The following CSRNP3 variants were observed in gnomAD, a reference collection of about 807,000 sequenced individuals.
CSRNP3 encodes the protein cysteine/serine-rich nuclear protein 3.
CSRNP3 carries 12 observed loss-of-function variants against 48.0 expected under a neutral mutation model. The observed-to-expected ratio is 0.25, with a 90% CI of 0.16 to 0.41. The LOEUF (loss-of-function observed/expected upper bound fraction) is 0.41, where lower values mean the gene tolerates loss of function less well. CSRNP3 is among the 10% of genes least tolerant of loss of function. The pLI, the probability that CSRNP3 is intolerant of heterozygous loss-of-function variation, is 1.00. For synonymous variants in CSRNP3, 263 were observed against 269.7 expected (o/e 0.98, Z 0.24); for missense variants, 580 against 724.4 (o/e 0.80, Z 2.29).
intron 1 of CSRNP3, among the ~76,000 whole-genome samples, chr2:165,486,310 G>A (rs866146086): frequency 1.3e-5 from 2 of 151,246 alleles, no homozygotes; most frequent in Admixed American, 1.3e-4. Context: ...ACAGAATCTC[G>A]CTGATTGCTA....
intron 3 of CSRNP3, among the ~76,000 whole-genome samples, chr2:165,589,006 G>A (rs747834737): frequency 8.5e-5 from 13 of 152,108 alleles, no homozygotes; most frequent in Non-Finnish European, 1.5e-4. Flanking sequence ...AATTTGTAAT[G>A]TTTGGCACAT....
intron 3 of CSRNP3, among the ~76,000 whole-genome samples, chr2:165,548,814 G>A (rs546741218): frequency 1.6e-4 from 24 of 151,932 alleles, no homozygotes; most frequent in Admixed American, 4.6e-4. Flanking sequence ...TTGTGGACTC[G>A]ATAGTCTTTA....
At chr2:165,476,482 T>C (rs1683964024) in intron 1 of CSRNP3, among the ~76,000 whole-genome samples, 1 of 152,228 alleles carries the variant, frequency 6.6e-6, no homozygotes, top group Non-Finnish European at 1.5e-5. Flanking sequence ...TGCTTACCAA[T>C]GTACTGTAAA....
intron 2 of CSRNP3, among the ~76,000 whole-genome samples, chr2:165,504,475 GC>G (rs1684398248): frequency 6.6e-6 from 1 of 152,112 alleles, no homozygotes; most frequent in African/African-American, 2.4e-5. Flanking sequence ...AAACTCCAGT[GC>G]CCGCACTGTT....
intron 1 of CSRNP3, among the ~76,000 whole-genome samples, chr2:165,486,225 C>T (rs1017202517): frequency 2.6e-5 from 4 of 152,190 alleles, no homozygotes; most frequent in East Asian, 1.9e-4. Context: ...CCGATTATTG[C>T]GCTTTTCAGA....
chr2:165,516,859 G>A (rs529592856), intron 2 of CSRNP3, among the ~76,000 whole-genome samples: 403 of 152,152 alleles, frequency 2.6e-3, no homozygotes, highest in Non-Finnish European at 3.2e-3. Flanking sequence ...AATCTTGGCG[G>A]CACAATTTGC....
Position 165,686,753 on chromosome 2 carries a change from C to T in CSRNP3, c.*7000C>T, listed in dbSNP as rs1687637241. 1 of 152,000 alleles carries T rather than the reference C, an allele frequency of 6.6e-6. No individual in the cohort carries two copies. Among genetic ancestry groups the T allele is most frequent in the Non-Finnish European group, 1.5e-5 (1 of 67,978 alleles). 9.4% of individuals were successfully genotyped at this position (152,000 alleles called of 1,614,324 possible). A position where few individuals can be genotyped will look rare whatever the true frequency, so the allele number is the denominator to read the frequency against. On this transcript the variant is annotated 3_prime_UTR_variant, in exon 7 of 7. Transcript: ENST00000651982. Reference sequence around the variant, plus strand: ...AATAAAGCCCACTGCCATGGGTTACCATCTGAACCCTGATTCATTAGGCAC... The same window carrying T: ...AATAAAGCCCACTGCCATGGGTTACTATCTGAACCCTGATTCATTAGGCAC...
At chr2:165,556,705 G>A (rs762282402) in intron 3 of CSRNP3, among the ~76,000 whole-genome samples, 12 of 152,132 alleles carry the variant, frequency 7.9e-5, no homozygotes, top group Admixed American at 2.6e-4. Flanking sequence ...TTAAAAGATC[G>A]GTGGGAGAAG....
intron 2 of CSRNP3, among the ~76,000 whole-genome samples, chr2:165,510,735 A>G (rs1280601535): frequency 6.6e-6 from 1 of 152,072 alleles, no homozygotes; most frequent in Non-Finnish European, 1.5e-5. Flanking sequence ...TATTTTTTGG[A>G]CATACTATGT....
At chr2:165,580,395 A>G (rs773772486) in intron 3 of CSRNP3, among the ~76,000 whole-genome samples, 2 of 152,206 alleles carry the variant, frequency 1.3e-5, no homozygotes, top group East Asian at 1.9e-4. Flanking sequence ...TTCAGGCTTA[A>G]CAACTATTGT....
At chr2:165,619,488 C>A (rs1169692704) in intron 4 of CSRNP3, among the ~76,000 whole-genome samples, 1 of 152,084 alleles carries the variant, frequency 6.6e-6, no homozygotes, top group African/African-American at 2.4e-5. Flanking sequence ...TTTTTTCATG[C>A]CCTATCGTAC....
In CSRNP3 at chr2:165,688,822, A is replaced by G. The variant is rs1687672038; in HGVS notation, c.*9069A>G. 1 of 152,106 alleles carries G rather than the reference A, an allele frequency of 6.6e-6. No individual in the cohort carries two copies. The highest frequency in any genetic ancestry group is 2.4e-5 in the African/African-American group (1 of 41,438). The allele number at this position is 152,106 out of a possible 1,614,324, so 9.4% of individuals were successfully genotyped here. On this transcript the variant is annotated 3_prime_UTR_variant, in exon 7 of 7. Transcript: ENST00000651982. The stretch of plus-strand genomic sequence containing the variant: ...TGGCAAAAAAAAAAGTAACTTTAAA[A>G]ACTCAGAAAAGCCACTGAACTGTAT...
At chr2:165,624,524 G>A (rs1468627700) in intron 4 of CSRNP3, among the ~76,000 whole-genome samples, 2 of 152,038 alleles carry the variant, frequency 1.3e-5, no homozygotes, top group Non-Finnish European at 2.9e-5. Context: ...AGGTACCCTG[G>A]TACCTACACA....
intron 3 of CSRNP3, among the ~76,000 whole-genome samples, chr2:165,521,320 T>C (rs1220071502): frequency 2.6e-5 from 4 of 152,196 alleles, no homozygotes; most frequent in Non-Finnish European, 5.9e-5. Context: ...TCTGGAAACG[T>C]CAATGGAAAG....
At chr2:165,473,329 C>T (rs1683917708) in intron 1 of CSRNP3, among the ~76,000 whole-genome samples, 1 of 151,912 alleles carries the variant, frequency 6.6e-6, no homozygotes, top group Non-Finnish European at 1.5e-5. Flanking sequence ...AAGTAGACAA[C>T]TTTACATCTG....
intron 3 of CSRNP3, among the ~76,000 whole-genome samples, chr2:165,547,428 T>G (rs1429416055): frequency 6.6e-6 from 1 of 152,146 alleles, no homozygotes; most frequent in East Asian, 1.9e-4. Flanking sequence ...TCCCAGTCCC[T>G]TGCCAATACT....
At chr2:165,594,053 C>G (rs1159743936) in intron 3 of CSRNP3, among the ~76,000 whole-genome samples, 1 of 152,080 alleles carries the variant, frequency 6.6e-6, no homozygotes, top group Admixed American at 6.5e-5. Context: ...TGAATTTTGT[C>G]TTTAGACTTG....
At chr2:165,578,841 T>G (rs1261413724) in intron 3 of CSRNP3, among the ~76,000 whole-genome samples, 1 of 152,124 alleles carries the variant, frequency 6.6e-6, no homozygotes, top group Non-Finnish European at 1.5e-5. Flanking sequence ...GGTTAAGAAC[T>G]TAAGTTCAAG....
At chr2:165,565,763 T>C (rs1278815624) in intron 3 of CSRNP3, among the ~76,000 whole-genome samples, 1 of 152,066 alleles carries the variant, frequency 6.6e-6, no homozygotes, top group Admixed American at 6.6e-5. Flanking sequence ...CTTGTATTTA[T>C]TCATGTTGTA....
Sources: allele counts gnomAD v4.1 joint callset (sites outside exome capture counted in the v4.1 genomes callset), GRCh38; gene constraint gnomAD v4.1.1; transcripts MANE v1.5; gene names NCBI Gene and HGNC (gene_info 2026-07-23, HGNC 2026-07-21).